CTR9: variants seen among roughly 807,000 people sequenced by gnomAD.
CTR9 encodes CTR9 component of Paf1/RNA polymerase II complex.
In CTR9, 41 loss-of-function variants were observed where a neutral mutation model predicts 152.1. The observed-to-expected ratio is 0.27, with a 90% CI of 0.21 to 0.35. The LOEUF is 0.35. Among genes scored for constraint, CTR9 ranks in the 10% least tolerant of loss-of-function variants. The pLI is 1.00. For missense variants in CTR9, 917 were observed against 1,424.4 expected, an observed-to-expected ratio of 0.64 and a Z score of 5.73; for synonymous variants, 476 against 496.2, an observed-to-expected ratio of 0.96 and a Z score of 0.54.
At chr11:10,752,867 A>G in intron 2 of CTR9, 97 bp downstream of exon 2, 1 of 922,532 alleles carries the variant, frequency 1.1e-6, no homozygotes, top group Non-Finnish European at 1.7e-6. Flanking sequence ...GCTGCATGGT[A>G]GATTAGTTAT....
intron 24 of CTR9, among the ~76,000 whole-genome samples, chr11:10,777,270 G>A (rs1863255371): frequency 6.6e-6 from 1 of 151,942 alleles, no homozygotes; most frequent in Non-Finnish European, 1.5e-5. Flanking sequence ...GGTGGCTCAC[G>A]CCTATAATCC....
chr11:10,764,087 A>C (rs1863020214), intron 9 of CTR9, 25 bp from the exon 10 acceptor site: 4 of 1,607,422 alleles, frequency 2.5e-6, no homozygotes, highest in Non-Finnish European at 3.4e-6. Flanking sequence ...GGAATACTTC[A>C]GCTTAACAAT....
At chr11:10,755,866 A>G in intron 4 of CTR9, 71 bp downstream of exon 4, 1 of 831,482 alleles carries the variant, frequency 1.2e-6, no homozygotes, top group Non-Finnish European at 2.0e-6. Flanking sequence ...TCTCTTGGTA[A>G]TAGCTCCTTA....
chr11:10,775,185 C>T (rs762377102), intron 22 of CTR9, 22 bp from the exon 23 acceptor site: 12 of 1,588,948 alleles, frequency 7.6e-6, no homozygotes, highest in African/African-American at 5.4e-5. Flanking sequence ...GACAAACTCT[C>T]TCTTGGTGTT....
intron 2 of CTR9, among the ~76,000 whole-genome samples, chr11:10,753,863 G>A (rs1014681192): frequency 6.6e-5 from 10 of 151,954 alleles, no homozygotes; most frequent in South Asian, 4.1e-4. Context: ...ATCAAGTCCC[G>A]GCATGGCTGC....
Position 10,773,999 on chromosome 11 carries a change from G to A in CTR9, c.2728-13G>A. 1 of 1,601,466 alleles carries A rather than the reference G, an allele frequency of 6.2e-7. No homozygotes were observed. Among genetic ancestry groups the A allele is most frequent in the East Asian group, 2.2e-5 (1 of 44,546 alleles). ...CCAGGAAATAACTGACTATAGTGTT[G>A]TTTGGATTTTAGCGTTCTAAGAAGG... is the stretch of plus-strand genomic sequence containing the variant. On this transcript the variant is annotated splice_polypyrimidine_tract_variant and intron_variant, in intron 21 of 24. Coordinates refer to ENST00000361367, the MANE Select transcript of CTR9 (RefSeq NM_014633.5).
Position 10,773,258 on chromosome 11 carries a change from T to C in CTR9, c.2712T>C (p.Gly904=), listed in dbSNP as rs1325378584. Residue 904 remains glycine (G), a synonymous_variant, in exon 21 of 25, where the codon GGT becomes GGC. Transcript: ENST00000361367. ...ETEATKEKKR[G]GGGGRRSKKG... ...AAGCAACAAAAGAGAAGAAAAGAGG[T>C]GGTGGTGGTGGACGGGTAAGATATA... 2 of 1,610,762 alleles carry C rather than the reference T, an allele frequency of 1.2e-6. No individual in the cohort carries two copies. The highest frequency in any genetic ancestry group is 2.7e-5 in the African/African-American group (2 of 74,494).
rs1863138542 is a variant in CTR9, at chr11:10,771,214, C to G, written c.2373-331C>G. Among the ~76,000 whole-genome samples the G allele has an allele frequency of 2.0e-5, 3 of 152,214 alleles. No homozygotes were observed. In the South Asian group the frequency reaches 6.2e-4, roughly 31 times the overall value. On this transcript the variant is annotated intron_variant, in intron 18 of 24. Transcript: ENST00000361367. ...ACTTAATATTTTTATTCTTGTTTAA[C>G]AATTCTTGCCTTGCCTGGTAAATTA...
In CTR9 at chr11:10,767,745, G is replaced by C; in HGVS notation, c.1687-61G>C. 7.1e-7 allele frequency: 1 copy of C among 1,413,858 alleles called. No individual in the cohort carries two copies. The highest frequency in any genetic ancestry group is 1.0e-6 in the Non-Finnish European group (1 of 1,004,948). The allele number at this position is 1,413,858 out of a possible 1,614,324, so 87.6% of individuals were successfully genotyped here. A position where few individuals can be genotyped will look rare whatever the true frequency, so the allele number is the denominator to read the frequency against. On this transcript the variant is annotated intron_variant, in intron 13 of 24. Coordinates refer to ENST00000361367, the MANE Select transcript of CTR9 (RefSeq NM_014633.5). The surrounding 1 kb of genome is among the most constrained non-coding windows in gnomAD (Gnocchi z 4.0). ...CTTCAGTAATCAGCTATTGTGGGAA[G>C]ATGATTGATCTCTGTCAAACTAAAC... is the stretch of plus-strand genomic sequence containing the variant.
chr11:10,773,320 T>TCC, intron 21 of CTR9, 47 bp downstream of exon 21: 1 of 1,589,820 alleles, frequency 6.3e-7, no homozygotes, highest in South Asian at 1.2e-5. Flanking sequence ...TCTCTGTCTT[T>TCC]TGGCTTTGAG....
rs767431147 is a variant in CTR9, at chr11:10,771,655, C to T, written c.2444+39C>T. 8 of 1,469,222 alleles carry T rather than the reference C, an allele frequency of 5.4e-6. No individual in the cohort carries two copies. The African/African-American group carries it at 6.9e-5, about 13-fold the overall frequency. The allele number at this position is 1,469,222 out of a possible 1,614,324, so 91.0% of individuals were successfully genotyped here. A position where few individuals can be genotyped will look rare whatever the true frequency, so the allele number is the denominator to read the frequency against. On this transcript the variant is annotated intron_variant, in intron 19 of 24. Transcript: ENST00000361367. ...TTATGGAAGGTGACTTTGGGTGAGG[C>T]AGTGATATTTACATGGGCTGGGAAA... is the stretch of plus-strand genomic sequence containing the variant.
chr11:10,760,306 A>G lies in CTR9; in HGVS notation c.726A>G (p.Glu242=). The G allele has an allele frequency of 6.2e-7, 1 of 1,613,792 alleles. No individual in the cohort carries two copies. The highest frequency in any genetic ancestry group is 8.5e-7 in the Non-Finnish European group (1 of 1,179,812). Residue 242 remains glutamate (E), a synonymous_variant, in exon 6 of 25, where the codon GAA becomes GAG. Transcript: ENST00000361367. The stretch of plus-strand genomic sequence containing the variant: ...CATTGGTTGGACTGGCTGTTCTAGA[A>G]CTCAACAATAAAGAGGTATGTAAAT... The part of the protein sequence containing the change: ...VGALVGLAVL[E]LNNKEADSIK...
intron 10 of CTR9, 38 bp downstream of exon 10, chr11:10,764,239 G>C (rs974459190): frequency 1.9e-6 from 3 of 1,613,266 alleles, no homozygotes. Context: ...CATATGATGT[G>C]TTTTTTGTAA....
rs577881740 is a variant in CTR9, at chr11:10,752,683, T to C, written c.57T>C (p.Leu19=). 22 of 1,613,452 alleles carry C rather than the reference T, an allele frequency of 1.4e-5. No individual in the cohort carries two copies. In the South Asian group the frequency reaches 2.3e-4, roughly 17 times the overall value. ...PLRDTDEVIE[L]DFDQLPEGDE... The stretch of plus-strand genomic sequence containing the variant: ...CTTTTGTATTTTAGGTCATTGAACT[T>C]GACTTCGATCAGTTACCGGAGGGAG... The change falls in exon 2 of 25, where the codon CTT becomes CTC. Residue 19 remains leucine (L), a synonymous_variant. Coordinates refer to ENST00000361367, the MANE Select transcript of CTR9 (RefSeq NM_014633.5).
chr11:10,769,037 A>G (rs1316724140), intron 16 of CTR9, among the ~76,000 whole-genome samples: 1 of 152,154 alleles, frequency 6.6e-6, no homozygotes, highest in Admixed American at 6.5e-5. Context: ...CCTGGCCAAC[A>G]TGGTGAAACC....
At chr11:10,776,681 C>G (rs1283726728) in intron 24 of CTR9, among the ~76,000 whole-genome samples, 2 of 152,066 alleles carry the variant, frequency 1.3e-5, no homozygotes, top group Non-Finnish European at 2.9e-5. Context: ...TAAACCAAAA[C>G]CATGTTGTAG....
chr11:10,774,103 G>C lies in CTR9; in HGVS notation c.2819G>C (p.Gly940Ala), dbSNP rs774266883. Residue 940 changes from glycine (G) to alanine (A), a missense_variant, in exon 22 of 25, where the codon GGT (glycine) becomes GCT (alanine). By Grantham distance (60) the Gly-to-Ala change is moderately conservative. This residue lies in a region of CTR9 where 384 missense variants were observed against 398.4 expected (regional missense o/e 0.96). Transcript: ENST00000361367. The part of the protein sequence containing the change: ...PISKKKKRRK[G>A]SGSEQEGEDE... ...TCCAAAAAGAAGAAGAGAAGAAAGGGTAGTGGCAGTGAACAAGAAGGTGAA... is the reference window on the plus strand; with the variant it reads ...TCCAAAAAGAAGAAGAGAAGAAAGGCTAGTGGCAGTGAACAAGAAGGTGAA... 3.1e-6 allele frequency: 5 copies of C among 1,607,308 alleles called. No individual in the cohort carries two copies. The highest frequency in any genetic ancestry group is 4.3e-6 in the Non-Finnish European group (5 of 1,173,802).
chr11:10,751,370 C>T lies in CTR9; in HGVS notation c.-43C>T. ...AGCCTGAAGCGGAGACTACCGGCTG[C>T]GGAGCGGCGGGGCGAGACACTTGCT... is the stretch of plus-strand genomic sequence containing the variant. On this transcript the variant is annotated 5_prime_UTR_variant, in exon 1 of 25. Coordinates refer to ENST00000361367, the MANE Select transcript of CTR9 (RefSeq NM_014633.5). The T allele has an allele frequency of 1.2e-6, 2 of 1,607,842 alleles. No homozygotes were observed. Among genetic ancestry groups the T allele is most frequent in the Non-Finnish European group, 8.5e-7 (1 of 1,176,380 alleles).
At chr11:10,775,916 T>A (rs1863227002) in intron 24 of CTR9, among the ~76,000 whole-genome samples, 1 of 152,192 alleles carries the variant, frequency 6.6e-6, no homozygotes, top group Admixed American at 6.5e-5. Flanking sequence ...AAAAGCTTTT[T>A]TGAAGTCTCA....
Sources: gnomAD v4.1 joint callset for allele counts (sites outside exome capture counted in the v4.1 genomes callset) on GRCh38, gnomAD v4.1.1 for gene constraint, gnomAD v4.1.1 regional missense constraint, Gnocchi (gnomAD v3.1) non-coding constraint, MANE v1.5 for transcripts, NCBI Gene and HGNC (gene_info 2026-07-23, HGNC 2026-07-21) for gene names.